The following TTC6 variants were observed in gnomAD, a reference collection of about 807,000 sequenced individuals.
TTC6 encodes tetratricopeptide repeat protein 6.
In TTC6, 172 loss-of-function variants were observed where a neutral mutation model predicts 210.4. The observed-to-expected ratio is 0.82, with a 90% confidence interval of 0.72 to 0.93. The LOEUF is 0.93. TTC6 is among the 40% of genes least tolerant of loss of function. TTC6 has a pLI of 0.00. For synonymous variants in TTC6, 804 were observed against 819.6 expected (o/e 0.98, Z 0.32); for missense variants, 2,414 against 2,318.1 (o/e 1.04, Z -0.85).
chr14:37,784,260 C>G (rs2096062387), intron 14 of TTC6, among the ~76,000 whole-genome samples: 1 of 152,138 alleles, frequency 6.6e-6, no homozygotes, highest in African/African-American at 2.4e-5. Flanking sequence ...GAGTCTAAGT[C>G]TCTTTGTAGG....
chr14:37,841,141 T>G (rs1486135369), intron 29 of TTC6, among the ~76,000 whole-genome samples: 1 of 152,190 alleles, frequency 6.6e-6, no homozygotes, highest in African/African-American at 2.4e-5. Flanking sequence ...AGTGCTGGGA[T>G]TACAGACGTG....
intron 14 of TTC6, among the ~76,000 whole-genome samples, chr14:37,775,862 A>G (rs2096035762): frequency 6.6e-6 from 1 of 152,058 alleles, no homozygotes; most frequent in African/African-American, 2.4e-5. Context: ...ACCCTTTACC[A>G]TTATGTAATG....
chr14:37,633,313 A>G (rs1248724276), intron 1 of TTC6, among the ~76,000 whole-genome samples: 2 of 152,210 alleles, frequency 1.3e-5, no homozygotes, highest in Non-Finnish European at 2.9e-5. Flanking sequence ...AAAACATAGT[A>G]TCTGGGCTGT....
At chr14:37,686,420 T>C (rs974533814) in intron 3 of TTC6, among the ~76,000 whole-genome samples, 1 of 152,168 alleles carries the variant, frequency 6.6e-6, no homozygotes, top group Non-Finnish European at 1.5e-5. Flanking sequence ...GACTACTAAA[T>C]GGATTTGTAA....
At chr14:37,782,273 T>C (rs1192879982) in intron 14 of TTC6, among the ~76,000 whole-genome samples, 1 of 152,226 alleles carries the variant, frequency 6.6e-6, no homozygotes, top group African/African-American at 2.4e-5. Flanking sequence ...GGAATGTTCT[T>C]CCATTTGTTT....
chr14:37,643,179 A>G (rs1720444549), intron 1 of TTC6, among the ~76,000 whole-genome samples: 1 of 151,926 alleles, frequency 6.6e-6, no homozygotes, highest in South Asian at 2.1e-4. Flanking sequence ...GTGGTGGCTC[A>G]CTCCTGTAAT....
At chr14:37,605,721 G>A (rs1393054351) in intron 1 of TTC6, among the ~76,000 whole-genome samples, 1 of 152,138 alleles carries the variant, frequency 6.6e-6, no homozygotes, top group East Asian at 1.9e-4. Flanking sequence ...CATAGCTGGA[G>A]AACATCTAAG....
chr14:37,818,296 A>G (rs888645816), intron 26 of TTC6, among the ~76,000 whole-genome samples: 2 of 152,140 alleles, frequency 1.3e-5, no homozygotes, highest in African/African-American at 2.4e-5. Flanking sequence ...AAATAATATT[A>G]TAGTATATAG....
chr14:37,658,815 A>G (rs177879), intron 1 of TTC6, among the ~76,000 whole-genome samples: 9,290 of 152,240 alleles, frequency 0.061, 397 homozygotes, highest in Non-Finnish European at 0.089. Flanking sequence ...ATGCAGGTTC[A>G]TTATACAGAT....
chr14:37,692,726 G>T (rs2095806211), intron 3 of TTC6, among the ~76,000 whole-genome samples: 2 of 151,908 alleles, frequency 1.3e-5, no homozygotes, highest in Admixed American at 6.6e-5. Flanking sequence ...AGATATGGTG[G>T]TGCCTTTCTG....
intron 25 of TTC6, among the ~76,000 whole-genome samples, chr14:37,812,805 A>G (rs375107206): frequency 7.6e-4 from 115 of 152,284 alleles, no homozygotes; most frequent in African/African-American, 2.6e-3. Context: ...AAATATAGCA[A>G]AATAAATCTG....
chr14:37,780,735 C>T (rs1303721361), intron 14 of TTC6, among the ~76,000 whole-genome samples: 1 of 152,124 alleles, frequency 6.6e-6, no homozygotes, highest in Non-Finnish European at 1.5e-5. Context: ...ACCCGTCAAC[C>T]CATCACCTAC....
chr14:37,810,243 G>T (rs537041874), intron 24 of TTC6, among the ~76,000 whole-genome samples: 46 of 152,302 alleles, frequency 3.0e-4, no homozygotes, highest in Non-Finnish European at 6.2e-4. Flanking sequence ...CACAACAGGG[G>T]CCTTTGAGGA....
Position 37,807,346 on chromosome 14 carries a change from TG to T in TTC6, c.4343del (p.Gly1448ValfsTer2). ...CATATTTAAGCCGAGTAGCATTCTA[TG>T]GTTTAAAAGGCAGGTATTCCAAAGC... On this transcript the variant is annotated frameshift_variant, in exon 23 of 31. Transcript: ENST00000553443. LOFTEE classifies it high-confidence loss of function. The T allele has an allele frequency of 6.5e-7, 1 of 1,530,296 alleles. No homozygotes were observed. The highest frequency in any genetic ancestry group is 1.2e-5 in the South Asian group (1 of 83,406). 94.8% of individuals were successfully genotyped at this position (1,530,296 alleles called of 1,614,324 possible).
At chr14:37,730,787 A>G (rs924573053) in intron 7 of TTC6, among the ~76,000 whole-genome samples, 2 of 152,202 alleles carry the variant, frequency 1.3e-5, no homozygotes, top group African/African-American at 4.8e-5. Context: ...CATGTTGATA[A>G]TAAGTATTCG....
chr14:37,635,041 C>A (rs933174776), intron 1 of TTC6, among the ~76,000 whole-genome samples: 1 of 152,056 alleles, frequency 6.6e-6, no homozygotes, highest in Non-Finnish European at 1.5e-5. Context: ...ACATAATAAA[C>A]AAAACTATGG....
At chr14:37,605,128 A>T (rs1012712384) in intron 1 of TTC6, among the ~76,000 whole-genome samples, 3 of 152,206 alleles carry the variant, frequency 2.0e-5, no homozygotes, top group Non-Finnish European at 4.4e-5. Flanking sequence ...CTGTGAAAAG[A>T]CCAAATCACA....
intron 26 of TTC6, among the ~76,000 whole-genome samples, chr14:37,819,756 G>A (rs2096151137): frequency 6.6e-6 from 1 of 152,068 alleles, no homozygotes; most frequent in Admixed American, 6.6e-5. Flanking sequence ...CTTTAGTTTG[G>A]GAGGGGATTT....
At chr14:37,786,082 C>T (rs2096066869) in intron 14 of TTC6, among the ~76,000 whole-genome samples, 1 of 152,176 alleles carries the variant, frequency 6.6e-6, no homozygotes, top group Non-Finnish European at 1.5e-5. Flanking sequence ...CAGGGAGTCA[C>T]TTGAGGTGGC....
Sources: allele counts gnomAD v4.1 joint callset (sites outside exome capture counted in the v4.1 genomes callset), GRCh38; gene constraint gnomAD v4.1.1; transcripts MANE v1.5; gene names NCBI Gene and HGNC (gene_info 2026-07-23, HGNC 2026-07-21).